Variants in MECOM observed in about 807,000 individuals in gnomAD.
MECOM encodes the protein histone-lysine N-methyltransferase MECOM.
Under a neutral mutation model 116.3 loss-of-function variants are expected in MECOM, and 13 were observed. The ratio of observed to expected loss-of-function variants is 0.11; its 90% CI spans 0.07 to 0.18. The LOEUF is 0.18. Ranked by LOEUF, MECOM falls within the 10% of genes least tolerant of loss-of-function variation. The pLI is 1.00. For synonymous variants in MECOM, 528 were observed against 535.2 expected (o/e 0.99, Z 0.19); for missense variants, 1,299 against 1,509.0 (o/e 0.86, Z 2.31).
intron 1 of MECOM, among the ~76,000 whole-genome samples, chr3:169,580,116 C>A (rs1386404654): frequency 6.6e-6 from 1 of 152,132 alleles, no homozygotes; most frequent in East Asian, 1.9e-4. Flanking sequence ...GGGAGGCTTG[C>A]CACTTTATTA....
At chr3:169,644,497 T>C (rs1773907739) in intron 1 of MECOM, among the ~76,000 whole-genome samples, 1 of 152,130 alleles carries the variant, frequency 6.6e-6, no homozygotes, top group African/African-American at 2.4e-5. Flanking sequence ...CCCCAGGTGA[T>C]CCACCTGCCT....
chr3:169,182,420 A>T (rs1746088733), intron 2 of MECOM, among the ~76,000 whole-genome samples: 1 of 152,216 alleles, frequency 6.6e-6, no homozygotes, highest in Non-Finnish European at 1.5e-5. Flanking sequence ...CTTTTGATGC[A>T]CGAGCTCCGC....
chr3:169,574,986 T>C (rs1764319494), intron 1 of MECOM, among the ~76,000 whole-genome samples: 2 of 152,062 alleles, frequency 1.3e-5, no homozygotes, highest in Admixed American at 6.6e-5. Flanking sequence ...GGTCAGGGAA[T>C]AATACAACCG....
At chr3:169,149,837 A>C (rs1258640680) in intron 2 of MECOM, 4 of 338,382 alleles carry the variant, frequency 1.2e-5, no homozygotes, top group African/African-American at 8.7e-5. Context: ...CTTGTTCTCC[A>C]CTGAATAAAT....
rs192282008 is a variant in MECOM, at chr3:169,277,393, C to T, written c.375+103794G>A. Among the ~76,000 whole-genome samples the T allele has an allele frequency of 1.0e-3, 155 of 152,310 alleles. 1 individual carries two copies. In the East Asian group the frequency reaches 0.017, roughly 17 times the overall value. ...AAAGTCGAATGAGCATAAACTGTCT[C>T]ATCAGGTTCTAATTCTTCTGTTTCT... On this transcript the variant is annotated intron_variant, in intron 2 of 16. Transcript: ENST00000651503.
intron 1 of MECOM, among the ~76,000 whole-genome samples, chr3:169,661,252 G>A (rs929343632): frequency 2.0e-5 from 3 of 151,960 alleles, no homozygotes; most frequent in Non-Finnish European, 2.9e-5. Context: ...TCACAACTTA[G>A]GCATGGTTGA....
At chr3:169,289,722 A>G (rs937554094) in intron 2 of MECOM, among the ~76,000 whole-genome samples, 7 of 152,210 alleles carry the variant, frequency 4.6e-5, no homozygotes, top group African/African-American at 1.7e-4. Flanking sequence ...TGAGTTTTGT[A>G]GTGCTCGGGC....
intron 1 of MECOM, among the ~76,000 whole-genome samples, chr3:169,382,879 A>AAAAGAAG (rs1358767356): frequency 4.3e-5 from 6 of 138,554 alleles, no homozygotes; most frequent in African/African-American, 8.0e-5. Flanking sequence ...AAAAATAAAA[A>AAAAGAAG]AAGAAGGTAA....
chr3:169,212,144 A>C (rs1283361398), intron 2 of MECOM, among the ~76,000 whole-genome samples: 1 of 152,020 alleles, frequency 6.6e-6, no homozygotes, highest in Non-Finnish European at 1.5e-5. Flanking sequence ...GATTGATTAG[A>C]ATATATCTAG....
At chr3:169,223,883 A>G (rs889527853) in intron 2 of MECOM, among the ~76,000 whole-genome samples, 3 of 152,156 alleles carry the variant, frequency 2.0e-5, no homozygotes, top group Non-Finnish European at 4.4e-5. Flanking sequence ...AGTGACTCCC[A>G]TGACCTCAGG....
chr3:169,403,182 G>A (rs1414821136), intron 1 of MECOM, among the ~76,000 whole-genome samples: 3 of 152,136 alleles, frequency 2.0e-5, no homozygotes, highest in African/African-American at 4.8e-5. Flanking sequence ...ACAGTACTGG[G>A]TGGCTCCCCA....
At chr3:169,174,472 A>G (rs1405968989) in intron 2 of MECOM, among the ~76,000 whole-genome samples, 3 of 152,214 alleles carry the variant, frequency 2.0e-5, no homozygotes, top group African/African-American at 7.2e-5. Flanking sequence ...AATTGCAAAG[A>G]ATGTGATGCA....
chr3:169,349,811 A>G (rs1430438), intron 2 of MECOM, among the ~76,000 whole-genome samples: 58,220 of 151,614 alleles, frequency 0.38, 12,921 homozygotes, highest in East Asian at 0.61. Flanking sequence ...AATATGAGAC[A>G]GGGACTCAGT....
chr3:169,275,663 G>A (rs536476045), intron 2 of MECOM, among the ~76,000 whole-genome samples: 1 of 152,160 alleles, frequency 6.6e-6, no homozygotes, highest in Non-Finnish European at 1.5e-5. Context: ...CATGCTCACA[G>A]GTTCAGGGTG....
At chr3:169,655,586 AAAGGAAGATGCTC>A (rs1234188801) in intron 1 of MECOM, among the ~76,000 whole-genome samples, 2 of 152,208 alleles carry the variant, frequency 1.3e-5, no homozygotes, top group Non-Finnish European at 2.9e-5. Context: ...AATAAAGGGC[AAAGGAAGATGCTC>A]AAGTTTTCAG....
intron 1 of MECOM, among the ~76,000 whole-genome samples, chr3:169,618,605 C>A (rs569030270): frequency 6.6e-6 from 1 of 151,478 alleles, no homozygotes; most frequent in Non-Finnish European, 1.5e-5. Context: ...TGCAGTGAGC[C>A]GAGATCACAC....
intron 2 of MECOM, among the ~76,000 whole-genome samples, chr3:169,307,661 T>G (rs1270387684): frequency 6.6e-6 from 1 of 152,226 alleles, no homozygotes; most frequent in Non-Finnish European, 1.5e-5. Flanking sequence ...TTTTTAAAAT[T>G]TAAAGCTATT....
At chr3:169,219,066 A>G (rs1612605) in intron 2 of MECOM, among the ~76,000 whole-genome samples, 138,907 of 152,082 alleles carry the variant, frequency 0.91, 63,500 homozygotes, top group Middle Eastern at 0.96. Flanking sequence ...AAAATTCAGC[A>G]CATTATCCTC....
intron 1 of MECOM, among the ~76,000 whole-genome samples, chr3:169,644,922 G>A (rs1360570106): frequency 6.6e-6 from 1 of 152,106 alleles, no homozygotes; most frequent in East Asian, 1.9e-4. Context: ...ACACACTCAT[G>A]CCTCTTTACT....
Sources: allele counts gnomAD v4.1 joint callset (sites outside exome capture counted in the v4.1 genomes callset), GRCh38; gene constraint gnomAD v4.1.1; transcripts MANE v1.5; gene names NCBI Gene and HGNC (gene_info 2026-07-23, HGNC 2026-07-21).